The following DNAH3 variants were observed in gnomAD, a reference collection of about 807,000 sequenced individuals.
The protein encoded by DNAH3 is axonemal beta dynein heavy chain 3.
Under a neutral mutation model 432.5 loss-of-function variants are expected in DNAH3, and 332 were observed. That is an observed-to-expected ratio of 0.77 (90% confidence interval 0.70 to 0.84). The LOEUF is 0.84. DNAH3 is among the 40% of genes least tolerant of loss of function. The pLI is 0.00. For missense variants in DNAH3, 4,861 were observed against 5,114.0 expected (o/e 0.95, Z 1.51); for synonymous variants, 1,956 against 1,900.2 (o/e 1.03, Z -0.76).
At chr16:21,154,593 C>T (rs538801158) in intron 1 of DNAH3, among the ~76,000 whole-genome samples, 2 of 152,142 alleles carry the variant, frequency 1.3e-5, no homozygotes, top group East Asian at 1.9e-4. Context: ...CTGCTAGGCA[C>T]TTAGTAGACA....
chr16:21,139,142 G>A (rs962798707), intron 5 of DNAH3, among the ~76,000 whole-genome samples: 1 of 151,994 alleles, frequency 6.6e-6, no homozygotes, highest in Non-Finnish European at 1.5e-5. Context: ...TCTAGAGCCA[G>A]GCAGGTAATG....
At chr16:20,983,195 G>A (rs1161044150) in intron 48 of DNAH3, among the ~76,000 whole-genome samples, 1 of 151,966 alleles carries the variant, frequency 6.6e-6, no homozygotes, top group African/African-American at 2.4e-5. Context: ...GCGCAATCTC[G>A]GCTCACTGCA....
intron 41 of DNAH3, among the ~76,000 whole-genome samples, chr16:21,010,250 G>A (rs1314026108): frequency 6.6e-6 from 1 of 152,108 alleles, no homozygotes; most frequent in Admixed American, 6.6e-5. Context: ...ACTCTGGTCT[G>A]GGTGTGAGAG....
chr16:21,010,872 C>T (rs759943351), intron 41 of DNAH3, among the ~76,000 whole-genome samples: 1 of 151,348 alleles, frequency 6.6e-6, no homozygotes, highest in African/African-American at 2.4e-5. Flanking sequence ...TGAACCACCA[C>T]GCCCGGCCAA....
At chr16:20,962,570 A>C (rs2152619086) in intron 53 of DNAH3, among the ~76,000 whole-genome samples, 1 of 152,332 alleles carries the variant, frequency 6.6e-6, no homozygotes, top group Middle Eastern at 3.4e-3. Flanking sequence ...ACAGCCAGAC[A>C]GTATGGATCT....
intron 18 of DNAH3, among the ~76,000 whole-genome samples, chr16:21,092,361 A>G (rs2091559806): frequency 6.6e-6 from 1 of 152,178 alleles, no homozygotes; most frequent in African/African-American, 2.4e-5. Flanking sequence ...AGGCAATATA[A>G]TAGAGAAAAG....
chr16:21,086,458 TTTC>T (rs1306663419), intron 19 of DNAH3, among the ~76,000 whole-genome samples: 1 of 152,176 alleles, frequency 6.6e-6, no homozygotes, highest in African/African-American at 2.4e-5. Context: ...GAGATGTGAC[TTTC>T]TTTTTTGTGT....
intron 59 of DNAH3, 30 bp from the exon 60 acceptor site, chr16:20,936,883 G>A (rs779091237): frequency 6.3e-7 from 1 of 1,578,904 alleles, no homozygotes; most frequent in East Asian, 2.3e-5. Flanking sequence ...GGCTGAGCTG[G>A]GCTCTCCGGT....
chr16:21,024,821 T>C (rs2088456957), intron 38 of DNAH3, 120 bp from the exon 39 acceptor site: 2 of 785,712 alleles, frequency 2.5e-6, no homozygotes, highest in African/African-American at 1.7e-5. Flanking sequence ...ATCTTGACAA[T>C]AACCTAGTCC....
exon 32 of DNAH3, chr16:21,042,153 G>C (rs763482346): frequency 6.2e-7 from 1 of 1,612,582 alleles, no homozygotes; most frequent in East Asian, 2.2e-5. Context: ...TCCGAATGAT[G>C]GCTTGTTGGA....
rs145860756 is a variant in DNAH3 at position 21,016,510 on chromosome 16, C to T, written c.6022+3114G>A. Among the ~76,000 whole-genome samples, 497 of 152,228 alleles carry T rather than the reference C, an allele frequency of 3.3e-3. 1 individual carries two copies. Among genetic ancestry groups the T allele is most frequent in the African/African-American group, 0.011 (467 of 41,540 alleles). Reference sequence around the variant, plus strand: ...ATCAGTAAAACATACAGAGAGAATACAAGCACTGGTGAGGATGTGGAGGAA... The same window carrying T: ...ATCAGTAAAACATACAGAGAGAATATAAGCACTGGTGAGGATGTGGAGGAA... On this transcript the variant is annotated intron_variant, in intron 41 of 61. Coordinates refer to ENST00000261383, the Ensembl canonical transcript of DNAH3.
chr16:20,972,765 G>A lies in DNAH3; in HGVS notation c.8259+2468C>T, dbSNP rs541739423. ...TTTTTTTTTTTTTTTTTTTTTTTTGGTCACTCAGGCTGGAGTGCAGTGGCA... is the reference window on the plus strand; with the variant it reads ...TTTTTTTTTTTTTTTTTTTTTTTTGATCACTCAGGCTGGAGTGCAGTGGCA... On this transcript the variant is annotated intron_variant, in intron 51 of 61. Transcript: ENST00000261383. Among the ~76,000 whole-genome samples, 161 of 81,952 alleles carry A rather than the reference G, an allele frequency of 2.0e-3. 5 individuals carry two copies. In the South Asian group the frequency reaches 0.06, roughly 31 times the overall value. 53.8% of individuals were successfully genotyped at this position (81,952 alleles called of 152,430 possible).
intron 24 of DNAH3, among the ~76,000 whole-genome samples, chr16:21,065,210 G>T (rs2090503998): frequency 6.6e-6 from 1 of 151,984 alleles, no homozygotes; most frequent in African/African-American, 2.4e-5. Context: ...ACCCAGGCTG[G>T]AGTGCAGTGG....
At chr16:21,125,451 G>C (rs2092428811) in intron 8 of DNAH3, 81 bp from the exon 10 acceptor site, 1 of 1,177,704 alleles carries the variant, frequency 8.5e-7, no homozygotes, top group African/African-American at 1.6e-5. Context: ...TGAGCTCAGT[G>C]ATGAGGCAGA....
intron 26 of DNAH3, among the ~76,000 whole-genome samples, chr16:21,059,781 A>AG (rs1450234143): frequency 6.6e-6 from 1 of 152,010 alleles, no homozygotes; most frequent in African/African-American, 2.4e-5. Flanking sequence ...ATCTCAAAAA[A>AG]AAAAAAAAAG....
At chr16:21,088,272 C>A (rs1047674248) in intron 18 of DNAH3, among the ~76,000 whole-genome samples, 17 of 152,126 alleles carry the variant, frequency 1.1e-4, no homozygotes, top group Admixed American at 1.1e-3. Context: ...GGCACCTACG[C>A]AACAAGTGAG....
At chr16:21,057,274 A>G in intron 27 of DNAH3, among the ~76,000 whole-genome samples, 1 of 152,216 alleles carries the variant, frequency 6.6e-6, no homozygotes, top group South Asian at 2.1e-4. Context: ...GTTTAAAAAC[A>G]AACAAACAAA....
At chr16:20,970,856 CTCTAT>C (rs1373246557) in intron 51 of DNAH3, among the ~76,000 whole-genome samples, 1 of 146,540 alleles carries the variant, frequency 6.8e-6, no homozygotes, top group African/African-American at 2.5e-5. Flanking sequence ...CTTTTCTTTT[CTCTAT>C]TCTTTTTTTT....
intron 54 of DNAH3, among the ~76,000 whole-genome samples, chr16:20,955,386 G>GC (rs1218948650): frequency 6.6e-6 from 1 of 151,936 alleles, no homozygotes; most frequent in African/African-American, 2.4e-5. Context: ...GGTCAGGTGG[G>GC]TTTTTCAAGG....
Sources: gnomAD v4.1 joint callset for allele counts (sites outside exome capture counted in the v4.1 genomes callset) on GRCh38, gnomAD v4.1.1 for gene constraint, MANE v1.5 for transcripts, NCBI Gene and HGNC (gene_info 2026-07-23, HGNC 2026-07-21) for gene names.